HTR3A: variants seen among roughly 807,000 people sequenced by gnomAD.
The protein encoded by HTR3A is 5-hydroxytryptamine receptor 3A.
A neutral mutation model predicts 54.8 loss-of-function variants in HTR3A; 45 were observed. The ratio of observed to expected loss-of-function variants is 0.82; its 90% CI spans 0.65 to 1.05. The LOEUF (loss-of-function observed/expected upper bound fraction) is 1.05. HTR3A is among the 50% of genes least tolerant of loss of function. HTR3A has a pLI of 0.00. For synonymous variants in HTR3A, 297 were observed against 256.0 expected (o/e 1.16, Z -1.53); for missense variants, 657 against 614.0 (o/e 1.07, Z -0.74).
intron 2 of HTR3A, 28 bp from the exon 3 acceptor site, chr11:113,979,205 C>A: frequency 6.2e-7 from 1 of 1,603,398 alleles, no homozygotes; most frequent in African/African-American, 1.3e-5. Flanking sequence ...CACAGGGTTA[C>A]TTGTTCAAGC....
intron 5 of HTR3A, 136 bp downstream of exon 5, chr11:113,983,425 T>C (rs1950449109): frequency 1.1e-6 from 1 of 876,448 alleles, no homozygotes. Context: ...CCTCATCCTC[T>C]GCATGAGGTA....
chr11:113,982,820 G>A (rs555523517), intron 4 of HTR3A, among the ~76,000 whole-genome samples: 40 of 152,270 alleles, frequency 2.6e-4, no homozygotes, highest in African/African-American at 8.4e-4. Flanking sequence ...CACTGGGCAC[G>A]CTTCCTACTG....
rs1950499969 is a variant in HTR3A at position 113,986,908 on chromosome 11, G to A, written c.1000G>A (p.Asp334Asn). 6.2e-7 allele frequency: 1 copy of A among 1,614,174 alleles called. No individual in the cohort carries two copies. Among genetic ancestry groups the A allele is most frequent in the Non-Finnish European group, 8.5e-7 (1 of 1,180,038 alleles). Reference protein sequence around the residue: ...IFIVRLVHKQDLQQPVPAWLR... With the variant: ...IFIVRLVHKQNLQQPVPAWLR... Reference sequence around the variant, plus strand: ...CATTGTGCGGCTGGTGCACAAGCAAGACCTGCAGCAGCCCGTGCCTGCTTG... The same window carrying A: ...CATTGTGCGGCTGGTGCACAAGCAAAACCTGCAGCAGCCCGTGCCTGCTTG... Residue 334 changes from aspartate to asparagine, a missense_variant, in exon 8 of 9, where the codon GAC becomes AAC. Transcript: ENST00000504030.
At position 113,983,533 on chromosome 11, in the gene HTR3A, C is replaced by T. The variant is rs139774316; in HGVS notation, c.544+244C>T. Among the ~76,000 whole-genome samples the T allele has an allele frequency of 4.2e-3, 644 of 152,304 alleles. 7 individuals are homozygous for T. The highest frequency in any genetic ancestry group is 0.015 in the African/African-American group (618 of 41,560). On this transcript the variant is annotated intron_variant, in intron 5 of 8. Transcript: ENST00000504030. ...ATATTTTTCCAGATCCTTCTCTACA[C>T]ATTTACATTCACACATTCATGTGTG...
At position 113,981,480 on chromosome 11, in the gene HTR3A, C is replaced by A. The variant is rs115066568; in HGVS notation, c.374+168C>A. Among the ~76,000 whole-genome samples, 444 of 152,226 alleles carry A rather than the reference C, an allele frequency of 2.9e-3. 1 individual carries two copies. The highest frequency in any genetic ancestry group is 0.01 in the African/African-American group (433 of 41,534). ...AATTCCCTTTGTCTTCCCCCCCGAC[C>A]TTTTTCTGTTCTTTTCTTTTTGAAA... is the stretch of plus-strand genomic sequence containing the variant. On this transcript the variant is annotated intron_variant, in intron 4 of 8. Transcript: ENST00000504030.
At position 113,983,190 on chromosome 11, in the gene HTR3A, A is replaced by G; in HGVS notation, c.445A>G (p.Lys149Glu). The change falls in exon 5 of 9, where the codon AAG becomes GAG. Residue 149 changes from lysine (K) to glutamate (E), a missense_variant. Lys to Glu is a moderately conservative substitution (Grantham distance 56, BLOSUM62 1). Transcript: ENST00000504030. ...GCATCAAGGCGAAGTTCAGAACTAC[A>G]AGCCCCTTCAGGTGGTGACTGCCTG... The part of the protein sequence containing the change: ...IRHQGEVQNY[K>E]PLQVVTACSL... The G allele has an allele frequency of 6.2e-7, 1 of 1,614,212 alleles. No individual in the cohort carries two copies. Among genetic ancestry groups the G allele is most frequent in the Non-Finnish European group, 8.5e-7 (1 of 1,180,032 alleles).
intron 1 of HTR3A, among the ~76,000 whole-genome samples, chr11:113,976,571 T>TTGTGTG (rs34498899): frequency 3.0e-3 from 405 of 135,412 alleles, no homozygotes; most frequent in African/African-American, 8.4e-3. Context: ...AAAAAATAGT[T>TTGTGTG]TGTGTGTGTG....
At chr11:113,987,664 T>C (rs899334031) in intron 8 of HTR3A, among the ~76,000 whole-genome samples, 5 of 152,052 alleles carry the variant, frequency 3.3e-5, no homozygotes, top group Admixed American at 3.3e-4. Context: ...GCCCAGGAGG[T>C]TGAGGCTGCA....
chr11:113,977,995 C>G, intron 2 of HTR3A, 73 bp downstream of exon 2: 1 of 1,554,638 alleles, frequency 6.4e-7, no homozygotes. Context: ...GACAAGTCAC[C>G]CCCTATGCAG....
chr11:113,985,510 T>C (rs1406040171), intron 5 of HTR3A, among the ~76,000 whole-genome samples: 2 of 152,236 alleles, frequency 1.3e-5, no homozygotes, highest in Non-Finnish European at 2.9e-5. Flanking sequence ...TCGTTCCTGG[T>C]ACATATGTCT....
At position 113,979,258 on chromosome 11, in the gene HTR3A, C is replaced by T. The variant is rs778733762; in HGVS notation, c.245C>T (p.Thr82Ile). The T allele has an allele frequency of 2.5e-6, 4 of 1,613,032 alleles. No individual in the cohort carries two copies. The highest frequency in any genetic ancestry group is 3.3e-4 in the Middle Eastern group (2 of 6,062). The change falls in exon 3 of 9, where the codon ACC becomes ATC. Residue 82 changes from threonine to isoleucine, a missense_variant. Physicochemically the swap from Thr to Ile is moderately conservative, Grantham distance 89. Coordinates refer to ENST00000504030, the MANE Select transcript of HTR3A (RefSeq NM_000869.6). ...NVDEKNQVLT[T>I]YIWYRQYWTD... ...GATGAGAAGAATCAGGTGCTGACCACCTACATCTGGTACCGGCAGGTGAGC... is the reference window on the plus strand; with the variant it reads ...GATGAGAAGAATCAGGTGCTGACCATCTACATCTGGTACCGGCAGGTGAGC...
chr11:113,976,852 C>T lies in HTR3A; in HGVS notation c.68-919C>T, dbSNP rs139415043. 6.6e-3 allele frequency among the ~76,000 whole-genome samples: 1,002 copies of T among 151,520 alleles called. 8 individuals carry two copies. Among genetic ancestry groups the T allele is most frequent in the African/African-American group, 0.023 (950 of 41,200 alleles). ...CCGTATGCTGGCCCTCTAGGTTGTA[C>T]TCCCTTCACCGTCCCATGAATTTTC... On this transcript the variant is annotated intron_variant, in intron 1 of 8. Transcript: ENST00000504030.
chr11:113,978,919 G>C (rs1052821763), intron 2 of HTR3A, among the ~76,000 whole-genome samples: 2 of 152,180 alleles, frequency 1.3e-5, no homozygotes, highest in African/African-American at 4.8e-5. Context: ...AACCTGGGAG[G>C]TGGAGGTTGC....
chr11:113,985,838 G>A (rs909756798), intron 5 of HTR3A, among the ~76,000 whole-genome samples, 177 bp from the exon 6 acceptor site: 2 of 152,118 alleles, frequency 1.3e-5, no homozygotes, highest in Non-Finnish European at 2.9e-5. Context: ...GATAGGTATG[G>A]TGAGTACCTT....
At chr11:113,977,460 C>G (rs1950364347) in intron 1 of HTR3A, 1 of 854,510 alleles carries the variant, frequency 1.2e-6, no homozygotes, top group Non-Finnish European at 1.7e-6. Context: ...CGTGGGCCAC[C>G]TGCTCCGACC....
Position 113,989,600 on chromosome 11 carries a change from T to A in HTR3A, c.1274T>A (p.Ile425Asn). 1 of 1,614,170 alleles carries A rather than the reference T, an allele frequency of 6.2e-7. No individual in the cohort carries two copies. Among genetic ancestry groups the A allele is most frequent in the Non-Finnish European group, 8.5e-7 (1 of 1,180,032 alleles). ...VCGLLQELSS[I>N]RQFLEKRDEI... ...GGGCTGCTGCAGGAGCTGTCCTCCA[T>A]CCGGCAATTCCTGGAAAAGCGGGAT... is the stretch of plus-strand genomic sequence containing the variant. The change falls in exon 9 of 9, where the codon ATC becomes AAC. Residue 425 changes from isoleucine (I) to asparagine (N), a missense_variant. Coordinates refer to ENST00000504030, the MANE Select transcript of HTR3A (RefSeq NM_000869.6). This position sits in a 1 kb window ranked among gnomAD's most constrained non-coding sequence, Gnocchi z 4.4.
intron 3 of HTR3A, among the ~76,000 whole-genome samples, chr11:113,980,036 C>T (rs1392946216): frequency 4.6e-5 from 7 of 152,150 alleles, no homozygotes; most frequent in Non-Finnish European, 8.8e-5. Context: ...TGGGACAGGG[C>T]GTGGGGTAGA....
intron 1 of HTR3A, among the ~76,000 whole-genome samples, chr11:113,976,599 G>C (rs958291828): frequency 4.7e-5 from 7 of 148,842 alleles, no homozygotes; most frequent in Non-Finnish European, 1.0e-4. Context: ...GTGTGTGTGT[G>C]TGTGTGTGTG....
intron 1 of HTR3A, among the ~76,000 whole-genome samples, chr11:113,976,313 C>T (rs74413048): frequency 0.014 from 2,205 of 152,142 alleles, 56 homozygotes; most frequent in African/African-American, 0.051. Flanking sequence ...TCCTTTGCCC[C>T]GGGCCTGCTG....
Sources: allele counts gnomAD v4.1 joint callset (sites outside exome capture counted in the v4.1 genomes callset), GRCh38; gene constraint gnomAD v4.1.1; non-coding constraint Gnocchi (gnomAD v3.1); transcripts MANE v1.5; gene names NCBI Gene and HGNC (gene_info 2026-07-23, HGNC 2026-07-21).